AUTS2: variants seen among roughly 807,000 people sequenced by gnomAD.
The protein encoded by AUTS2 is activator of transcription and developmental regulator AUTS2.
A neutral mutation model predicts 112.4 loss-of-function variants in AUTS2; 17 were observed. The ratio of observed to expected loss-of-function variants is 0.15; its 90% CI spans 0.10 to 0.23. The LOEUF is 0.23. Ranked by LOEUF, AUTS2 falls within the 10% of genes least tolerant of loss-of-function variation. The pLI, the probability that AUTS2 is intolerant of heterozygous loss-of-function variation, is 1.00. For synonymous variants in AUTS2, 751 were observed against 702.7 expected, an observed-to-expected ratio of 1.07 and a Z score of -1.09; for missense variants, 1,510 against 1,701.6, an observed-to-expected ratio of 0.89 and a Z score of 1.98.
chr7:70,429,732 G>A (rs774908809), intron 4 of AUTS2, among the ~76,000 whole-genome samples: 15 of 152,096 alleles, frequency 9.9e-5, no homozygotes, highest in Non-Finnish European at 1.9e-4. Context: ...TTTTTTAAAT[G>A]TATTATATAT....
chr7:70,418,418 C>G (rs771654466), intron 4 of AUTS2, among the ~76,000 whole-genome samples: 3 of 152,176 alleles, frequency 2.0e-5, no homozygotes, highest in Non-Finnish European at 4.4e-5. Context: ...TCCCATTTTA[C>G]GGATGAGGAA....
At chr7:69,919,204 A>G in intron 2 of AUTS2, among the ~76,000 whole-genome samples, 1 of 152,172 alleles carries the variant, frequency 6.6e-6, no homozygotes. Context: ...CCCCTTCTAC[A>G]CTTTTTTCCT....
intron 1 of AUTS2, among the ~76,000 whole-genome samples, chr7:69,716,943 A>C (rs1798640709): frequency 1.3e-5 from 2 of 152,130 alleles, no homozygotes; most frequent in Admixed American, 1.3e-4. Context: ...GAGTGAGTGG[A>C]CTTCTATGCC....
chr7:70,290,599 A>G (rs113323124), intron 4 of AUTS2: 15,511 of 1,438,388 alleles, frequency 0.011, 229 homozygotes, highest in South Asian at 0.058. Context: ...CCAATGAGAA[A>G]TTAAACACTT....
intron 1 of AUTS2, among the ~76,000 whole-genome samples, chr7:69,821,637 TCA>T (rs1790997273): frequency 1.3e-5 from 2 of 152,008 alleles, no homozygotes; most frequent in Non-Finnish European, 2.9e-5. Flanking sequence ...GTCTGCAGCT[TCA>T]TTGCTGAAGT....
intron 2 of AUTS2, among the ~76,000 whole-genome samples, chr7:70,085,013 C>T (rs999899015): frequency 6.6e-6 from 1 of 152,110 alleles, no homozygotes; most frequent in African/African-American, 2.4e-5. Context: ...CCTAGGATTA[C>T]AGGCACGAAC....
chr7:70,158,872 A>G (rs78662319), intron 4 of AUTS2, among the ~76,000 whole-genome samples: 3 of 152,192 alleles, frequency 2.0e-5, no homozygotes, highest in Admixed American at 1.3e-4. Flanking sequence ...TACCTATGAT[A>G]TACTCAAGGC....
chr7:69,614,314 C>CTCCTTTCTTTCTTTCTT (rs1793205152), intron 1 of AUTS2, among the ~76,000 whole-genome samples: 1 of 83,320 alleles, frequency 1.2e-5, no homozygotes, highest in African/African-American at 4.7e-5. Context: ...CACTCTCCGT[C>CTCCTTTCTTTCTTTCTT]TCTTTCTTTC....
intron 5 of AUTS2, among the ~76,000 whole-genome samples, chr7:70,659,904 G>A (rs1255546976): frequency 3.3e-5 from 5 of 151,924 alleles, no homozygotes; most frequent in Non-Finnish European, 7.4e-5. Flanking sequence ...GGCTGGGCAT[G>A]GTGGCTCATG....
At chr7:70,112,062 A>G (rs543758080) in intron 2 of AUTS2, among the ~76,000 whole-genome samples, 100 of 151,710 alleles carry the variant, frequency 6.6e-4, no homozygotes, top group Non-Finnish European at 1.3e-3. Flanking sequence ...TTCAATCTTT[A>G]TAATTAGGCC....
At chr7:70,682,437 T>A (rs552449864) in intron 5 of AUTS2, among the ~76,000 whole-genome samples, 12 of 152,346 alleles carry the variant, frequency 7.9e-5, no homozygotes, top group Admixed American at 2.0e-4. Context: ...AATAGAAAAC[T>A]TTTCCTTATT....
At chr7:70,509,754 G>A (rs1226713067) in intron 5 of AUTS2, among the ~76,000 whole-genome samples, 1 of 152,108 alleles carries the variant, frequency 6.6e-6, no homozygotes, top group African/African-American at 2.4e-5. Flanking sequence ...TCTCATCAAG[G>A]ACTCAGAATG....
At chr7:69,759,261 T>C (rs1788065760) in intron 1 of AUTS2, among the ~76,000 whole-genome samples, 1 of 152,068 alleles carries the variant, frequency 6.6e-6, no homozygotes, top group Admixed American at 6.6e-5. Flanking sequence ...TTGATTTTTT[T>C]TTTCCGAGTT....
In AUTS2 at chr7:70,073,120, A is replaced by G. The variant is rs920913424; in HGVS notation, c.523-45012A>G. 1.8e-4 allele frequency among the ~76,000 whole-genome samples: 23 copies of G among 127,814 alleles called. No homozygotes were observed. The Admixed American group carries it at 1.8e-3, about 10-fold the overall frequency. The allele number at this position is 127,814 out of a possible 152,430, so 83.9% of individuals were successfully genotyped here. A position where few individuals can be genotyped will look rare whatever the true frequency, so the allele number is the denominator to read the frequency against. ...TCCTTTTTTTTTTCTGTAGTCTTGT[A>G]CTGGTCACCCCTTCACTTCCTCTTC... is the stretch of plus-strand genomic sequence containing the variant. On this transcript the variant is annotated intron_variant, in intron 2 of 18. Coordinates refer to ENST00000342771, the MANE Select transcript of AUTS2 (RefSeq NM_015570.4).
chr7:70,126,210 G>A (rs1805962408), intron 3 of AUTS2, among the ~76,000 whole-genome samples: 2 of 152,224 alleles, frequency 1.3e-5, no homozygotes, highest in South Asian at 2.1e-4. Context: ...CTTGAGGTCA[G>A]GAGTTGGAGA....
intron 2 of AUTS2, among the ~76,000 whole-genome samples, chr7:70,117,114 T>G (rs1296022675): frequency 1.2e-4 from 13 of 107,482 alleles, no homozygotes; most frequent in African/African-American, 3.2e-4. Context: ...GTTTTTTTTT[T>G]TTGTTTTTTT....
In AUTS2 at chr7:70,766,732, G is replaced by C. The variant is rs542835405; in HGVS notation, c.1689+398G>C. Among the ~76,000 whole-genome samples, 1 of 152,338 alleles carries C rather than the reference G, an allele frequency of 6.6e-6. No individual in the cohort carries two copies. The highest frequency in any genetic ancestry group is 2.4e-5 in the African/African-American group (1 of 41,566). On this transcript the variant is annotated intron_variant, in intron 9 of 18. Transcript: ENST00000342771. The surrounding 1 kb of genome is among the most constrained non-coding windows in gnomAD (Gnocchi z 4.8). ...CATACATTCTTGCAGGGTAATGGGGGTGAAGAAGAGAGAAGAGAAGGGAGA... is the reference window on the plus strand; with the variant it reads ...CATACATTCTTGCAGGGTAATGGGGCTGAAGAAGAGAGAAGAGAAGGGAGA...
intron 4 of AUTS2, among the ~76,000 whole-genome samples, chr7:70,335,725 A>G (rs915996091): frequency 2.8e-4 from 42 of 152,360 alleles, no homozygotes; most frequent in Admixed American, 7.2e-4. Context: ...ATGATTAGTC[A>G]TCAGAAAGAT....
At chr7:69,678,849 C>T (rs936444720) in intron 1 of AUTS2, among the ~76,000 whole-genome samples, 1 of 152,238 alleles carries the variant, frequency 6.6e-6, no homozygotes, top group African/African-American at 2.4e-5. Flanking sequence ...TATTATATTT[C>T]AGACAGGGAC....
Sources: allele counts gnomAD v4.1 joint callset (sites outside exome capture counted in the v4.1 genomes callset), GRCh38; gene constraint gnomAD v4.1.1; non-coding constraint Gnocchi (gnomAD v3.1); transcripts MANE v1.5; gene names NCBI Gene and HGNC (gene_info 2026-07-23, HGNC 2026-07-21).